NAGK: variants seen among roughly 807,000 people sequenced by gnomAD.
NAGK encodes the protein N-acetyl-D-glucosamine kinase.
A neutral mutation model predicts 42.9 loss-of-function variants in NAGK; 35 were observed. That is an observed-to-expected ratio of 0.82 (90% confidence interval 0.62 to 1.08). The LOEUF (loss-of-function observed/expected upper bound fraction) is 1.08. Ranked by LOEUF, NAGK falls within the 50% of genes least tolerant of loss-of-function variation. NAGK has a pLI of 0.00. For synonymous variants in NAGK, 172 were observed against 176.0 expected, an observed-to-expected ratio of 0.98 and a Z score of 0.18; for missense variants, 446 against 446.0, an observed-to-expected ratio of 1.00 and a Z score of 0.00.
intron 7 of NAGK, chr2:71,075,956 A>G: frequency 2.6e-6 from 1 of 390,760 alleles, no homozygotes; most frequent in South Asian, 3.5e-5. Context: ...TTCTTTTCCT[A>G]GCCAATTATA....
chr2:71,075,376 T>C, intron 6 of NAGK, 179 bp from the exon 7 acceptor site: 3 of 580,014 alleles, frequency 5.2e-6, no homozygotes, highest in Non-Finnish European at 9.3e-6. Flanking sequence ...ATGAAGTCCA[T>C]GTTAGGGAAC....
intron 4 of NAGK, 66 bp downstream of exon 4, chr2:71,071,893 C>G (rs1219383484): frequency 6.3e-7 from 1 of 1,575,828 alleles, no homozygotes; most frequent in Non-Finnish European, 8.6e-7. Context: ...TTAGATATAG[C>G]TGACAAAACT....
chr2:71,071,606 A>G (rs1194545257), intron 3 of NAGK, 80 bp from the exon 4 acceptor site: 24 of 1,493,246 alleles, frequency 1.6e-5, no homozygotes, highest in Non-Finnish European at 2.0e-5. Flanking sequence ...AACAGGAATC[A>G]GGCATCAGGA....
intron 6 of NAGK, among the ~76,000 whole-genome samples, chr2:71,074,233 G>A (rs1013208621): frequency 1.3e-5 from 2 of 152,180 alleles, no homozygotes; most frequent in African/African-American, 2.4e-5. Flanking sequence ...TTCCTGTCCA[G>A]ACATTTAGGT....
chr2:71,071,023 GT>G (rs979218255), intron 3 of NAGK, 184 bp downstream of exon 3: 39 of 629,244 alleles, frequency 6.2e-5, no homozygotes, highest in African/African-American at 4.6e-4. Context: ...CTACAAATGT[GT>G]TGGAAGAGCA....
chr2:71,075,783 G>C (rs1672188218), intron 7 of NAGK, 141 bp downstream of exon 7: 4 of 794,136 alleles, frequency 5.0e-6, no homozygotes, highest in South Asian at 1.6e-5. Flanking sequence ...ACTGGCCTTG[G>C]TGGTGGTGGG....
At chr2:71,072,068 G>A (rs780391720) in intron 4 of NAGK, among the ~76,000 whole-genome samples, 1 of 152,166 alleles carries the variant, frequency 6.6e-6, no homozygotes, top group South Asian at 2.1e-4. Flanking sequence ...TGCAGATGAG[G>A]GACCACCTGG....
In NAGK at chr2:71,068,650, A is replaced by C; in HGVS notation, c.-34A>C. ...GGAGGTGTCAGGCGGGGAGAGACGC[A>C]AACGGCGGGACCAGCAGCGACGGTA... On this transcript the variant is annotated 5_prime_UTR_variant, in exon 1 of 10. Coordinates refer to ENST00000244204, the MANE Select transcript of NAGK (RefSeq NM_017567.6). 1 of 1,522,912 alleles carries C rather than the reference A, an allele frequency of 6.6e-7. No individual in the cohort carries two copies. The highest frequency in any genetic ancestry group is 1.4e-5 in the African/African-American group (1 of 70,308). 94.3% of individuals were successfully genotyped at this position (1,522,912 alleles called of 1,614,324 possible).
chr2:71,076,896 T>C (rs987564894), intron 8 of NAGK, among the ~76,000 whole-genome samples, 195 bp downstream of exon 8: 3 of 152,220 alleles, frequency 2.0e-5, no homozygotes, highest in Non-Finnish European at 2.9e-5. Context: ...GTAATTGGCC[T>C]GTAATCTGTA....
At chr2:71,076,770 G>A in intron 8 of NAGK, 69 bp downstream of exon 8, 6 of 1,317,840 alleles carry the variant, frequency 4.6e-6, no homozygotes, top group Non-Finnish European at 6.5e-6. Context: ...CTGTGGATGG[G>A]ACTATCCCAT....
chr2:71,068,934 C>T, intron 1 of NAGK: 1 of 1,283,648 alleles, frequency 7.8e-7, no homozygotes, highest in Non-Finnish European at 9.8e-7. Context: ...GTTGGGGATC[C>T]TTTGTGTTTC....
At chr2:71,069,677 G>A (rs1268671967) in intron 1 of NAGK, 2 of 154,620 alleles carry the variant, frequency 1.3e-5, no homozygotes, top group African/African-American at 2.4e-5. Context: ...GTCAAGACAT[G>A]CTTTTGGATG....
intron 9 of NAGK, 52 bp downstream of exon 9, chr2:71,077,688 G>A: frequency 6.4e-7 from 1 of 1,556,248 alleles, no homozygotes; most frequent in African/African-American, 1.4e-5. Context: ...GGGCTGGAAA[G>A]GAGGTGGCCC....
At position 71,075,578 on chromosome 2, in the gene NAGK, C is replaced by T. The variant is rs910799320; in HGVS notation, c.603C>T (p.Leu201=). The change falls in exon 7 of 10, where the codon CTC becomes CTT. Residue 201 remains leucine (L), a synonymous_variant. Transcript: ENST00000244204. ...YFQVPDRLGI[L]THLYRDFDKC... ...AGGTGCCAGATCGGCTAGGGATACT[C>T]ACTCACCTGTATAGGGACTTTGATA... 7 of 1,614,038 alleles carry T rather than the reference C, an allele frequency of 4.3e-6. No individual in the cohort carries two copies. The Admixed American group carries it at 5.0e-5, about 12-fold the overall frequency.
intron 9 of NAGK, 131 bp downstream of exon 9, chr2:71,077,767 C>T (rs1672271589): frequency 1.1e-6 from 1 of 923,196 alleles, no homozygotes; most frequent in Middle Eastern, 3.1e-4. Context: ...CACTGATGCT[C>T]CCGTCTAAGG....
chr2:71,072,708 T>TGGC lies in NAGK; in HGVS notation c.424_426dup (p.Gly142dup). The TGGC allele has an allele frequency of 6.2e-7, 1 of 1,613,848 alleles. No homozygotes were observed. The highest frequency in any genetic ancestry group is 2.2e-5 in the East Asian group (1 of 44,872). On this transcript the variant is annotated inframe_insertion, in exon 5 of 10. Coordinates refer to ENST00000244204, the MANE Select transcript of NAGK (RefSeq NM_017567.6). ...TCATCAACCCTGATGGCTCCGAGAG[T>TGGC]GGCTGCGGCGGCTGGGGCCATATGA...
At chr2:71,075,721 C>A in intron 7 of NAGK, 79 bp downstream of exon 7, 1 of 1,355,100 alleles carries the variant, frequency 7.4e-7, no homozygotes, top group Non-Finnish European at 1.0e-6. Flanking sequence ...GGGGTTCAGA[C>A]AGGACTGACA....
chr2:71,072,833 T>C (rs1316782911), intron 5 of NAGK, 82 bp downstream of exon 5: 7 of 1,318,646 alleles, frequency 5.3e-6, no homozygotes, highest in Non-Finnish European at 7.5e-6. Flanking sequence ...TAGCCTTGGC[T>C]CACTGAGCCC....
rs746001068 is a variant in NAGK at position 71,070,518 on chromosome 2, G to C, written c.46G>C (p.Glu16Gln). 1 of 1,613,842 alleles carries C rather than the reference G, an allele frequency of 6.2e-7. No individual in the cohort carries two copies. The highest frequency in any genetic ancestry group is 1.3e-5 in the African/African-American group (1 of 74,908). ...GTTCTGTAGGGGAGGCACACGATCCGAGGTCCTTTTAGTCTCAGAGGATGG... is the reference window on the plus strand; with the variant it reads ...GTTCTGTAGGGGAGGCACACGATCCCAGGTCCTTTTAGTCTCAGAGGATGG... ...GGVEGGGTRS[E>Q]VLLVSEDGKI... is the part of the protein sequence containing the mutation. The change falls in exon 2 of 10, where the codon GAG becomes CAG. Residue 16 changes from glutamate to glutamine, a missense_variant. Glu to Gln is a conservative substitution (Grantham distance 29). Transcript: ENST00000244204.
Sources: gnomAD v4.1 joint callset for allele counts (sites outside exome capture counted in the v4.1 genomes callset) on GRCh38, gnomAD v4.1.1 for gene constraint, MANE v1.5 for transcripts, NCBI Gene and HGNC (gene_info 2026-07-23, HGNC 2026-07-21) for gene names.